GALNT13: variants seen among roughly 807,000 people sequenced by gnomAD.
GALNT13 encodes UDP-GalNAc:polypeptide N-acetylgalactosaminyltransferase 13.
GALNT13 carries 28 observed loss-of-function variants against 64.2 expected under a neutral mutation model. That is an observed-to-expected ratio of 0.44 (90% CI 0.32 to 0.60). GALNT13 has a LOEUF of 0.60. Among genes scored for constraint, GALNT13 ranks in the 20% least tolerant of loss-of-function variants. GALNT13 has a pLI of 0.05. For missense variants in GALNT13, 577 were observed against 669.8 expected (o/e 0.86, Z 1.53); for synonymous variants, 214 against 224.6 (o/e 0.95, Z 0.42).
the GALNT13 span, among the ~76,000 whole-genome samples, chr2:153,681,785 C>A: frequency 6.6e-6 from 1 of 151,704 alleles, no homozygotes; most frequent in Non-Finnish European, 1.5e-5. Context: ...TCAAATAGTT[C>A]TGATTTAAAA....
the GALNT13 span, among the ~76,000 whole-genome samples, chr2:153,527,174 TTATC>T: frequency 1.3e-5 from 2 of 152,004 alleles, no homozygotes; most frequent in African/African-American, 2.4e-5. Flanking sequence ...ACAGATATCA[TTATC>T]TAAGTACAAG....
At chr2:153,403,198 C>G in the GALNT13 span, among the ~76,000 whole-genome samples, 59 of 150,190 alleles carry the variant, frequency 3.9e-4, 3 homozygotes, top group Non-Finnish European at 8.2e-4. Context: ...TGTGAGGTGT[C>G]GGTATGCCCC....
At chr2:153,301,215 C>T in the GALNT13 span, among the ~76,000 whole-genome samples, 1 of 147,812 alleles carries the variant, frequency 6.8e-6, no homozygotes, top group East Asian at 2.0e-4. Context: ...GAGGCTGGGG[C>T]ACAAGAATCA....
At chr2:154,221,667 G>A (rs1334114196) in intron 4 of GALNT13, among the ~76,000 whole-genome samples, 2 of 151,984 alleles carry the variant, frequency 1.3e-5, no homozygotes, top group African/African-American at 4.8e-5. Context: ...CTTTCTGCAG[G>A]ATATGGAAAA....
chr2:154,029,909 G>A (rs1173592750), intron 3 of GALNT13, among the ~76,000 whole-genome samples: 1 of 152,090 alleles, frequency 6.6e-6, no homozygotes, highest in African/African-American at 2.4e-5. Flanking sequence ...AGCAACAAAA[G>A]TGAAGAATGC....
chr2:154,050,308 G>A (rs1478508723), intron 3 of GALNT13, among the ~76,000 whole-genome samples: 1 of 152,140 alleles, frequency 6.6e-6, no homozygotes, highest in African/African-American at 2.4e-5. Flanking sequence ...GAAAAAGTGA[G>A]GCTTAGTAAG....
chr2:154,180,376 C>A (rs1363047598), intron 4 of GALNT13, among the ~76,000 whole-genome samples: 1 of 149,710 alleles, frequency 6.7e-6, no homozygotes, highest in African/African-American at 2.4e-5. Context: ...GTCTTTTTTT[C>A]TCCTTGCCTT....
intron 12 of GALNT13, among the ~76,000 whole-genome samples, chr2:154,444,199 T>A (rs763588919): frequency 6.6e-6 from 1 of 152,014 alleles, no homozygotes; most frequent in African/African-American, 2.4e-5. Flanking sequence ...GTAGACTAAT[T>A]AGGCATTTGC....
chr2:153,557,040 C>A, the GALNT13 span, among the ~76,000 whole-genome samples: 1 of 152,120 alleles, frequency 6.6e-6, no homozygotes. Flanking sequence ...TTTGACCCCC[C>A]CTTCCATTAA....
the GALNT13 span, among the ~76,000 whole-genome samples, chr2:153,255,041 G>A: frequency 3.6e-4 from 55 of 152,174 alleles, 1 homozygote; most frequent in East Asian, 8.9e-3. Context: ...TTTCTGTCTC[G>A]TTGATCTGTC....
the GALNT13 span, among the ~76,000 whole-genome samples, chr2:153,839,854 C>T: frequency 2.6e-5 from 4 of 151,672 alleles, no homozygotes; most frequent in Admixed American, 6.6e-5. Flanking sequence ...ACTTCAAAAC[C>T]GGGAGTAAAT....
At chr2:153,454,297 G>A in the GALNT13 span, among the ~76,000 whole-genome samples, 1 of 152,078 alleles carries the variant, frequency 6.6e-6, no homozygotes, top group Admixed American at 6.5e-5. Context: ...CTGTCTTATA[G>A]TCTTAACTTT....
the GALNT13 span, among the ~76,000 whole-genome samples, chr2:153,556,258 A>G: frequency 1.3e-5 from 2 of 152,322 alleles, no homozygotes; most frequent in South Asian, 4.1e-4. Context: ...TTTAAAAGAA[A>G]AAAAATGCCA....
At chr2:153,954,693 T>G (rs1661291659) in intron 3 of GALNT13, among the ~76,000 whole-genome samples, 1 of 151,730 alleles carries the variant, frequency 6.6e-6, no homozygotes, top group East Asian at 1.9e-4. Context: ...TTTGAGTAAC[T>G]TTAAAAGCAT....
intron 9 of GALNT13, among the ~76,000 whole-genome samples, chr2:154,338,535 A>G (rs1327345828): frequency 6.6e-6 from 1 of 152,140 alleles, no homozygotes; most frequent in Non-Finnish European, 1.5e-5. Flanking sequence ...ATTCCTGGAA[A>G]CAGGAGGCAT....
At chr2:153,386,352 G>A in the GALNT13 span, among the ~76,000 whole-genome samples, 4,421 of 152,124 alleles carry the variant, frequency 0.029, 95 homozygotes, top group Middle Eastern at 0.065. Flanking sequence ...GATACCGACT[G>A]TTATACAGAG....
At chr2:154,312,179 G>T (rs1405146020) in intron 9 of GALNT13, among the ~76,000 whole-genome samples, 1 of 141,944 alleles carries the variant, frequency 7.0e-6, no homozygotes, top group Non-Finnish European at 1.5e-5. Flanking sequence ...TTTAGAGATT[G>T]CAGTAAAGAC....
chr2:154,101,042 C>T (rs1490567421), intron 3 of GALNT13, among the ~76,000 whole-genome samples: 4 of 152,074 alleles, frequency 2.6e-5, no homozygotes, highest in East Asian at 1.9e-4. Context: ...ACCCTTGCAT[C>T]GTGCAGTAGA....
At chr2:153,168,155 C>CCTCA in the GALNT13 span, among the ~76,000 whole-genome samples, 2 of 152,136 alleles carry the variant, frequency 1.3e-5, no homozygotes, top group African/African-American at 4.8e-5. Context: ...GATATGTTTC[C>CCTCA]CTCAAATGCT....
Sources: gnomAD v4.1 joint callset for allele counts (sites outside exome capture counted in the v4.1 genomes callset) on GRCh38, gnomAD v4.1.1 for gene constraint, MANE v1.5 for transcripts, NCBI Gene and HGNC (gene_info 2026-07-23, HGNC 2026-07-21) for gene names.